Variants in ERG observed in about 807,000 individuals in gnomAD.
ERG encodes the protein ETS transcription factor ERG, also known as transcriptional regulator ERG.
Under a neutral mutation model 55.3 loss-of-function variants are expected in ERG, and 9 were observed. The observed-to-expected ratio is 0.16, with a 90% CI of 0.10 to 0.28. ERG has a LOEUF of 0.28. ERG is among the 10% of genes least tolerant of loss of function. The probability of loss-of-function intolerance (pLI) is 1.00; values close to 1 mark genes in which losing one functional copy is unlikely to be tolerated. For missense variants in ERG, 434 were observed against 631.6 expected (o/e 0.69, Z 3.35); for synonymous variants, 223 against 237.3 (o/e 0.94, Z 0.55).
At chr21:38,412,958 C>T (rs1262510274) in intron 3 of ERG, among the ~76,000 whole-genome samples, 2 of 152,212 alleles carry the variant, frequency 1.3e-5, no homozygotes, top group South Asian at 2.1e-4. Flanking sequence ...TATCACTAGC[C>T]CATGACCATT....
At chr21:38,659,741 C>T (rs907500828) in intron 1 of ERG, among the ~76,000 whole-genome samples, 3 of 152,184 alleles carry the variant, frequency 2.0e-5, no homozygotes, top group Non-Finnish European at 4.4e-5. Flanking sequence ...AATCCACATC[C>T]TCATTGAAAT....
At chr21:38,374,587 G>A in the ERG span, among the ~76,000 whole-genome samples, 11 of 152,204 alleles carry the variant, frequency 7.2e-5, no homozygotes, top group South Asian at 4.1e-4. Context: ...ATCTATTACC[G>A]AAGTTATGCA....
At chr21:38,480,394 A>G (rs2059226302) in intron 1 of ERG, among the ~76,000 whole-genome samples, 1 of 152,058 alleles carries the variant, frequency 6.6e-6, no homozygotes, top group African/African-American at 2.4e-5. Context: ...ATCCTTCCTC[A>G]CAGCCTCCAG....
At chr21:38,408,359 T>C (rs1988871415) in intron 3 of ERG, among the ~76,000 whole-genome samples, 1 of 152,220 alleles carries the variant, frequency 6.6e-6, no homozygotes, top group South Asian at 2.1e-4. Flanking sequence ...TCCATGCCTG[T>C]GCCACATGCC....
intron 2 of ERG, among the ~76,000 whole-genome samples, chr21:38,439,900 T>G (rs2058824126): frequency 6.6e-6 from 1 of 152,210 alleles, no homozygotes; most frequent in Admixed American, 6.5e-5. Flanking sequence ...CATGGCCTTT[T>G]TCTCCGTGGG....
chr21:38,544,579 T>C (rs1031907536), intron 2 of ERG, among the ~76,000 whole-genome samples: 15 of 152,202 alleles, frequency 9.9e-5, no homozygotes, highest in African/African-American at 3.6e-4. Context: ...GTGATCCTAC[T>C]GTGGCAGAAG....
At chr21:38,420,923 A>G (rs1274024501) in intron 3 of ERG, among the ~76,000 whole-genome samples, 1 of 152,102 alleles carries the variant, frequency 6.6e-6, no homozygotes, top group Non-Finnish European at 1.5e-5. Context: ...AAGAAATTAC[A>G]TTCTTAAGGA....
At chr21:38,484,794 G>A (rs952745278) in intron 1 of ERG, among the ~76,000 whole-genome samples, 3 of 152,194 alleles carry the variant, frequency 2.0e-5, no homozygotes, top group Non-Finnish European at 4.4e-5. Flanking sequence ...GTGACATACA[G>A]CTGTAGTAAC....
intron 1 of ERG, among the ~76,000 whole-genome samples, chr21:38,465,911 G>A (rs1313307070): frequency 1.3e-5 from 2 of 152,070 alleles, no homozygotes; most frequent in Non-Finnish European, 2.9e-5. Context: ...GGCCCTCCCT[G>A]ACCGCCTTGT....
chr21:38,383,422 T>A lies in ERG; in HGVS notation c.1421A>T (p.His474Leu). ...AGGTCTTTAGTAGTAAGTGCCCAGA[T>A]GAGAAGGCATATGGCTGGTGGGGAG... Reference protein sequence around the residue: ...TRLPTSHMPSHLGTYY With the variant: ...TRLPTSHMPSLLGTYY Residue 474 changes from histidine (H) to leucine (L), a missense_variant, in exon 10 of 10, where the codon CAT becomes CTT. Around this residue, in one of 5 missense-constraint regions of ERG, gnomAD observed 107 missense variants for 126.8 expected, o/e 0.84. Coordinates refer to ENST00000288319, the MANE Select transcript of ERG (RefSeq NM_182918.4). This position sits in a 1 kb window ranked among gnomAD's most constrained non-coding sequence, Gnocchi z 5.7. 2.0e-6 allele frequency: 3 copies of A among 1,510,216 alleles called. No homozygotes were observed. Among genetic ancestry groups the A allele is most frequent in the African/African-American group, 1.4e-5 (1 of 71,662 alleles). 93.6% of individuals were successfully genotyped at this position (1,510,216 alleles called of 1,614,324 possible). A position where few individuals can be genotyped will look rare whatever the true frequency, so the allele number is the denominator to read the frequency against.
chr21:38,576,969 C>T (rs542537460), intron 1 of ERG, among the ~76,000 whole-genome samples: 4 of 152,306 alleles, frequency 2.6e-5, no homozygotes, highest in African/African-American at 7.2e-5. Flanking sequence ...GCCATCAGTT[C>T]TTTTTTGGCA....
intron 3 of ERG, among the ~76,000 whole-genome samples, chr21:38,418,927 C>CAAAAAAA (rs35001409): frequency 4.9e-5 from 4 of 80,892 alleles, no homozygotes; most frequent in East Asian, 3.8e-4. Flanking sequence ...GACTTTGTCT[C>CAAAAAAA]AAAAAAAAAA....
chr21:38,439,004 A>G (rs1043256237), intron 2 of ERG, among the ~76,000 whole-genome samples: 1 of 152,212 alleles, frequency 6.6e-6, no homozygotes, highest in Non-Finnish European at 1.5e-5. Flanking sequence ...CACGCTGAGA[A>G]TCACCACACC....
chr21:38,575,534 A>G, intron 2 of ERG: 1 of 663,400 alleles, frequency 1.5e-6, no homozygotes, highest in Non-Finnish European at 2.7e-6. Context: ...TTAAAAAAGT[A>G]AAAACCATTT....
rs150012733 is a variant in ERG, at chr21:38,425,828, A to G, written c.237-2267T>C. ...CTTCAAGTCTAAGGAGGTCAAAACC[A>G]TCTGAGGCAGGAGCGCACTTTCTGA... On this transcript the variant is annotated intron_variant, in intron 2 of 9. Coordinates refer to ENST00000288319, the MANE Select transcript of ERG (RefSeq NM_182918.4). Among the ~76,000 whole-genome samples the G allele has an allele frequency of 5.7e-3, 871 of 152,322 alleles. 4 individuals are homozygous for G. Among genetic ancestry groups the G allele is most frequent in the African/African-American group, 0.019 (777 of 41,586 alleles).
At chr21:38,425,495 T>C (rs1404232276) in intron 2 of ERG, among the ~76,000 whole-genome samples, 1 of 152,200 alleles carries the variant, frequency 6.6e-6, no homozygotes, top group Non-Finnish European at 1.5e-5. Context: ...CAGTGCCTTC[T>C]TAGATGGTTA....
intron 1 of ERG, among the ~76,000 whole-genome samples, chr21:38,494,139 G>A (rs564952407): frequency 6.6e-6 from 1 of 152,274 alleles, no homozygotes; most frequent in African/African-American, 2.4e-5. Flanking sequence ...GTGTGTCTGC[G>A]GCCACGTAAG....
At chr21:38,378,244 T>C (rs1169830992), downstream of ERG, among the ~76,000 whole-genome samples, 1 of 152,198 alleles carries the variant, frequency 6.6e-6, no homozygotes, top group Non-Finnish European at 1.5e-5. Flanking sequence ...AGAACCCAAG[T>C]TGCACTGGAC....
rs772761349 is a variant in ERG at position 38,416,228 on chromosome 21, G to A, written c.388+7182C>T. ...GAGCTATTCTCTAATGTAACTCAGC[G>A]CTCACAGAAGATGTCACAAGAAATA... On this transcript the variant is annotated intron_variant, in intron 3 of 9. Transcript: ENST00000288319. Among the ~76,000 whole-genome samples, 45 of 152,318 alleles carry A rather than the reference G, an allele frequency of 3.0e-4. 1 individual carries two copies. The highest frequency in any genetic ancestry group is 9.1e-4 in the African/African-American group (38 of 41,564).
Sources: allele counts gnomAD v4.1 joint callset (sites outside exome capture counted in the v4.1 genomes callset), GRCh38; gene constraint gnomAD v4.1.1; regional missense constraint gnomAD v4.1.1; non-coding constraint Gnocchi (gnomAD v3.1); transcripts MANE v1.5; gene names NCBI Gene and HGNC (gene_info 2026-07-23, HGNC 2026-07-21).